The following LDLRAD3 variants were observed in gnomAD, a reference collection of about 807,000 sequenced individuals.
The protein encoded by LDLRAD3 is low density lipoprotein receptor class A domain containing 3.
A neutral mutation model predicts 29.4 loss-of-function variants in LDLRAD3; 20 were observed. The ratio of observed to expected loss-of-function variants is 0.68; its 90% CI spans 0.48 to 0.99. LDLRAD3 has a LOEUF of 0.99. Ranked by LOEUF, LDLRAD3 falls within the 50% of genes least tolerant of loss-of-function variation. LDLRAD3 has a pLI of 0.00. For missense variants in LDLRAD3, 420 were observed against 454.3 expected, an observed-to-expected ratio of 0.92 and a Z score of 0.69; for synonymous variants, 157 against 192.7, an observed-to-expected ratio of 0.81 and a Z score of 1.53.
At chr11:36,116,933 C>T (rs563598652) in intron 4 of LDLRAD3, among the ~76,000 whole-genome samples, 4 of 151,822 alleles carry the variant, frequency 2.6e-5, no homozygotes, top group Admixed American at 6.6e-5. Flanking sequence ...CCTCTGCCTC[C>T]CGGGTTCAAC....
intron 2 of LDLRAD3, among the ~76,000 whole-genome samples, chr11:36,070,688 G>A (rs922996312): frequency 6.6e-6 from 1 of 152,168 alleles, no homozygotes; most frequent in Non-Finnish European, 1.5e-5. Flanking sequence ...TCCTTAGTGT[G>A]CTTAGTAAAA....
chr11:36,035,616 T>C (rs1182101010), intron 1 of LDLRAD3, among the ~76,000 whole-genome samples: 1 of 152,158 alleles, frequency 6.6e-6, no homozygotes, highest in Non-Finnish European at 1.5e-5. Context: ...TCCTGTTTCC[T>C]AGAGTGAAAT....
chr11:36,102,335 G>A (rs1853462256), intron 4 of LDLRAD3, among the ~76,000 whole-genome samples: 1 of 152,142 alleles, frequency 6.6e-6, no homozygotes, highest in African/African-American at 2.4e-5. Context: ...TCAGTTATGT[G>A]GGAGAAAATG....
At chr11:36,079,465 G>T (rs1264946212) in intron 2 of LDLRAD3, among the ~76,000 whole-genome samples, 2 of 152,162 alleles carry the variant, frequency 1.3e-5, no homozygotes, top group Non-Finnish European at 2.9e-5. Flanking sequence ...GTTTTGTATA[G>T]ATTATCTCAC....
At chr11:36,113,995 A>G (rs1486929153) in intron 4 of LDLRAD3, among the ~76,000 whole-genome samples, 1 of 152,120 alleles carries the variant, frequency 6.6e-6, no homozygotes, top group Non-Finnish European at 1.5e-5. Context: ...TACTCTATTG[A>G]TCAAAATAGT....
In LDLRAD3 at chr11:36,144,663, G is replaced by A. The variant is rs1161500545; in HGVS notation, c.454+46202G>A. 3.1e-4 allele frequency among the ~76,000 whole-genome samples: 22 copies of A among 71,814 alleles called. 3 individuals carry two copies. The highest frequency in any genetic ancestry group is 1.3e-3 in the African/African-American group (18 of 14,104). The allele number at this position is 71,814 out of a possible 152,430, so 47.1% of individuals were successfully genotyped here. ...AGCCCCTCCGCCCGGCAGCCACACC[G>A]TCTGAGAAGTGAGGAGCCCCTCCGC... On this transcript the variant is annotated intron_variant, in intron 4 of 5. Transcript: ENST00000315571.
At position 36,092,972 on chromosome 11, in the gene LDLRAD3, C is replaced by A. The variant is rs78709216; in HGVS notation, c.320-5355C>A. ...GCCCTGCAAAGGATGGGGGAGATTA[C>A]ACTGTGTTTTATGAGGAGTCATTGA... On this transcript the variant is annotated intron_variant, in intron 3 of 5. Transcript: ENST00000315571. Among the ~76,000 whole-genome samples the A allele has an allele frequency of 2.8e-3, 426 of 152,330 alleles. 1 individual carries two copies. Among genetic ancestry groups the A allele is most frequent in the African/African-American group, 9.4e-3 (391 of 41,570 alleles).
intron 1 of LDLRAD3, among the ~76,000 whole-genome samples, chr11:35,974,408 T>G (rs767180779): frequency 2.0e-5 from 3 of 152,186 alleles, no homozygotes; most frequent in Non-Finnish European, 4.4e-5. Context: ...AACAATATTA[T>G]CACAAACTCC....
chr11:36,006,452 G>A (rs1292291973), intron 1 of LDLRAD3, among the ~76,000 whole-genome samples: 1 of 152,170 alleles, frequency 6.6e-6, no homozygotes, highest in Non-Finnish European at 1.5e-5. Flanking sequence ...TGTGTGCCAG[G>A]CATATACGAA....
At chr11:36,105,179 G>A (rs916725499) in intron 4 of LDLRAD3, among the ~76,000 whole-genome samples, 2 of 151,004 alleles carry the variant, frequency 1.3e-5, no homozygotes, top group African/African-American at 4.9e-5. Flanking sequence ...AACATTGACA[G>A]CTTTGTCCTG....
At chr11:36,086,859 T>C (rs1302500206) in intron 3 of LDLRAD3, among the ~76,000 whole-genome samples, 1 of 152,238 alleles carries the variant, frequency 6.6e-6, no homozygotes, top group African/African-American at 2.4e-5. Flanking sequence ...TGAGGTGTGA[T>C]GACTGCATCT....
At chr11:36,015,091 A>G (rs1463684482) in intron 1 of LDLRAD3, among the ~76,000 whole-genome samples, 5 of 152,344 alleles carry the variant, frequency 3.3e-5, no homozygotes, top group South Asian at 4.1e-4. Context: ...GCAGCCATGT[A>G]GACTTTTCTG....
chr11:36,069,955 G>A (rs1023887141), intron 2 of LDLRAD3, among the ~76,000 whole-genome samples: 3 of 152,138 alleles, frequency 2.0e-5, no homozygotes, highest in Non-Finnish European at 2.9e-5. Flanking sequence ...GACCGTGGCC[G>A]ACCTCAGCTG....
At chr11:36,064,882 A>C (rs986091157) in intron 2 of LDLRAD3, among the ~76,000 whole-genome samples, 8 of 152,190 alleles carry the variant, frequency 5.3e-5, no homozygotes, top group South Asian at 4.1e-4. Context: ...GTTGGAGAAC[A>C]TATGTTATAT....
intron 4 of LDLRAD3, among the ~76,000 whole-genome samples, chr11:36,182,850 CTG>C (rs1324695207): frequency 6.6e-6 from 1 of 152,096 alleles, no homozygotes; most frequent in Non-Finnish European, 1.5e-5. Flanking sequence ...TGACTGGGGG[CTG>C]TGTGTCTCAG....
chr11:36,212,665 C>T (rs943986971), intron 4 of LDLRAD3, among the ~76,000 whole-genome samples: 4 of 152,164 alleles, frequency 2.6e-5, no homozygotes, highest in African/African-American at 9.7e-5. Context: ...ATTAGCCACC[C>T]GACTCCCTGG....
intron 4 of LDLRAD3, among the ~76,000 whole-genome samples, chr11:36,120,038 A>G (rs1056977121): frequency 6.6e-6 from 1 of 152,152 alleles, no homozygotes; most frequent in Non-Finnish European, 1.5e-5. Flanking sequence ...ATTCTTTTGC[A>G]TGTGGATGTC....
chr11:36,062,269 A>C (rs1852712743), intron 2 of LDLRAD3, among the ~76,000 whole-genome samples: 1 of 152,192 alleles, frequency 6.6e-6, no homozygotes, highest in Non-Finnish European at 1.5e-5. Flanking sequence ...AGTTTCTGTA[A>C]ATCTGAAAAG....
intron 4 of LDLRAD3, among the ~76,000 whole-genome samples, chr11:36,146,083 C>G (rs998004851): frequency 6.6e-6 from 1 of 151,634 alleles, no homozygotes; most frequent in Non-Finnish European, 1.5e-5. Context: ...GCCCATAACA[C>G]CAGGTAAATA....
Sources: gnomAD v4.1 joint callset for allele counts (sites outside exome capture counted in the v4.1 genomes callset) on GRCh38, gnomAD v4.1.1 for gene constraint, MANE v1.5 for transcripts, NCBI Gene and HGNC (gene_info 2026-07-23, HGNC 2026-07-21) for gene names.